The following CSE1L variants were observed in gnomAD, a reference collection of about 807,000 sequenced individuals.
The protein encoded by CSE1L is exportin-2.
CSE1L carries 24 observed loss-of-function variants against 120.4 expected under a neutral mutation model. That is an observed-to-expected ratio of 0.20 (90% CI 0.14 to 0.28). CSE1L has a LOEUF of 0.28. CSE1L is among the 10% of genes least tolerant of loss of function. The pLI is 1.00. For synonymous variants in CSE1L, 402 were observed against 398.3 expected (o/e 1.01, Z -0.11); for missense variants, 830 against 1,145.2 (o/e 0.72, Z 3.97).
chr20:49,091,171 G>A (rs796927264), intron 21 of CSE1L, 149 bp downstream of exon 21: 8 of 636,832 alleles, frequency 1.3e-5, no homozygotes, highest in African/African-American at 7.4e-5. Context: ...GCCTGTAATC[G>A]CAGCACTTTG....
At chr20:49,048,627 T>G (rs192416970) in intron 1 of CSE1L, among the ~76,000 whole-genome samples, 1 of 152,290 alleles carries the variant, frequency 6.6e-6, no homozygotes, top group Admixed American at 6.5e-5. Context: ...AGGAACCGGC[T>G]TGGAATATTG....
chr20:49,085,606 CTG>C (rs2092050290), intron 16 of CSE1L, among the ~76,000 whole-genome samples: 1 of 103,588 alleles, frequency 9.7e-6, no homozygotes, highest in African/African-American at 3.6e-5. Context: ...GAGCCTTGCT[CTG>C]TTGCCCAGGC....
At position 49,063,307 on chromosome 20, in the gene CSE1L, T is replaced by G. The variant is rs772660162; in HGVS notation, c.191T>G (p.Val64Gly). 6.5e-7 allele frequency: 1 copy of G among 1,539,642 alleles called. No homozygotes were observed. ...AATGTTATCAAAGTATGTGCTTCAG[T>G]AACATTCAAAAACTATATTAAAAGG... ...QDNVIKVCAS[V>G]TFKNYIKRNW... is the part of the protein sequence containing the mutation. The change falls in exon 3 of 25, where the codon GTA becomes GGA. Residue 64 changes from valine (V) to glycine (G), a missense_variant. This residue lies in a region of CSE1L where 543 missense variants were observed against 640.2 expected (regional missense o/e 0.85). Coordinates refer to ENST00000262982, the MANE Select transcript of CSE1L (RefSeq NM_001316.4).
chr20:49,069,213 T>C (rs1361156036), intron 7 of CSE1L, among the ~76,000 whole-genome samples: 2 of 152,112 alleles, frequency 1.3e-5, no homozygotes, highest in African/African-American at 4.8e-5. Context: ...TTATACAAAA[T>C]GACTTTTATT....
At chr20:49,063,164 T>A (rs1240014757) in intron 2 of CSE1L, 38 bp from the exon 3 acceptor site, 1 of 1,403,736 alleles carries the variant, frequency 7.1e-7, no homozygotes. Flanking sequence ...GTGGAAAGAT[T>A]TTTATCTTAG....
rs1193878864 is a variant in CSE1L, at chr20:49,068,705, C to G, written c.568-10C>G. On this transcript the variant is annotated splice_polypyrimidine_tract_variant and intron_variant, in intron 6 of 24. Coordinates refer to ENST00000262982, the MANE Select transcript of CSE1L (RefSeq NM_001316.4). ...TGCACTAAAACCATGTTGCTAAATT[C>G]CTTTCCAAGGCCACTATTGAACTCT... 2 of 1,597,012 alleles carry G rather than the reference C, an allele frequency of 1.3e-6. No homozygotes were observed. Among genetic ancestry groups the G allele is most frequent in the Admixed American group, 3.4e-5 (2 of 59,592 alleles).
intron 14 of CSE1L, among the ~76,000 whole-genome samples, chr20:49,079,162 G>T (rs961736422): frequency 6.6e-6 from 1 of 151,614 alleles, no homozygotes; most frequent in African/African-American, 2.4e-5. Flanking sequence ...CAAAGTGCTG[G>T]GACTACAGGT....
chr20:49,079,118 C>T (rs2426119), intron 14 of CSE1L, among the ~76,000 whole-genome samples: 10 of 152,188 alleles, frequency 6.6e-5, no homozygotes, highest in African/African-American at 2.4e-4. Flanking sequence ...GTCTCAAACT[C>T]CTGACCTCAG....
chr20:49,075,349 T>A lies in CSE1L; in HGVS notation c.1164T>A (p.Asp388Glu). 1 of 1,614,090 alleles carries A rather than the reference T, an allele frequency of 6.2e-7. No homozygotes were observed. The highest frequency in any genetic ancestry group is 8.5e-7 in the Non-Finnish European group (1 of 1,179,986). ...ATACTAGACGCAGGGCTGCTTGTGA[T>A]CTGGTACGAGGATTATGCAAGTTTT... Reference protein sequence around the residue: ...DIDTRRRAACDLVRGLCKFFE... With the variant: ...DIDTRRRAACELVRGLCKFFE... The change falls in exon 12 of 25, where the codon GAT becomes GAA. Residue 388 changes from aspartate to glutamate, a missense_variant. This residue lies in a region of CSE1L where 543 missense variants were observed against 640.2 expected (regional missense o/e 0.85). Transcript: ENST00000262982.
chr20:49,093,109 T>C (rs2092114080), intron 22 of CSE1L, among the ~76,000 whole-genome samples: 1 of 152,228 alleles, frequency 6.6e-6, no homozygotes, highest in Non-Finnish European at 1.5e-5. Context: ...ACCTCAGTTA[T>C]GTCTCAAAAA....
rs1185682371 is a variant in CSE1L at position 49,076,956 on chromosome 20, C to G, written c.1336-24C>G. 4 of 1,487,958 alleles carry G rather than the reference C, an allele frequency of 2.7e-6. No homozygotes were observed. The East Asian group carries it at 9.1e-5, about 34-fold the overall frequency. 92.2% of individuals were successfully genotyped at this position (1,487,958 alleles called of 1,614,324 possible). A position where few individuals can be genotyped will look rare whatever the true frequency, so the allele number is the denominator to read the frequency against. On this transcript the variant is annotated intron_variant, in intron 12 of 24. Transcript: ENST00000262982. ...TATATACAGGTATTTTGTTATTTTA[C>G]TATGTTATGAATTTGCTTTTCAGCA... is the stretch of plus-strand genomic sequence containing the variant.
chr20:49,072,114 C>T (rs1054023738), intron 8 of CSE1L, among the ~76,000 whole-genome samples, 172 bp from the exon 9 acceptor site: 6 of 152,164 alleles, frequency 3.9e-5, no homozygotes, highest in Non-Finnish European at 7.3e-5. Context: ...AATTCAGCAA[C>T]TTATTTGAAA....
intron 1 of CSE1L, among the ~76,000 whole-genome samples, chr20:49,047,963 T>A (rs1220080384): frequency 1.3e-5 from 2 of 152,158 alleles, no homozygotes; most frequent in Non-Finnish European, 2.9e-5. Context: ...TCTGTCTTGC[T>A]TACTTCTCTC....
intron 1 of CSE1L, among the ~76,000 whole-genome samples, chr20:49,047,559 C>CTTTTTTTTTTTTTTTT (rs1568757225): frequency 1.6e-5 from 1 of 61,088 alleles, no homozygotes; most frequent in African/African-American, 6.7e-5. Context: ...TTTCTTTTCT[C>CTTTTTTTTTTTTTTTT]TTTTCTTTTT....
chr20:49,056,732 CT>C (rs1042971158), intron 1 of CSE1L, among the ~76,000 whole-genome samples: 2 of 151,752 alleles, frequency 1.3e-5, no homozygotes, highest in East Asian at 1.9e-4. Context: ...GTTCAGACTC[CT>C]TTTTTTCCCA....
At chr20:49,096,274 C>G (rs1600556555) in intron 24 of CSE1L, 75 bp from the exon 25 acceptor site, 2 of 1,174,924 alleles carry the variant, frequency 1.7e-6, no homozygotes, top group East Asian at 2.3e-5. Flanking sequence ...TGTGGCAGCT[C>G]TCCCGTAGAA....
intron 13 of CSE1L, 24 bp from the exon 14 acceptor site, chr20:49,078,535 CTG>C (rs766542615): frequency 6.6e-7 from 1 of 1,506,322 alleles, no homozygotes; most frequent in Non-Finnish European, 9.1e-7. Context: ...ACTTAAGTAA[CTG>C]TGGCTTTCTG....
At chr20:49,093,249 A>G (rs2092114836) in intron 22 of CSE1L, among the ~76,000 whole-genome samples, 1 of 152,200 alleles carries the variant, frequency 6.6e-6, no homozygotes. Context: ...CTTTCTAGAG[A>G]GCAAAATGTA....
Position 49,096,412 on chromosome 20 carries a change from C to A in CSE1L, c.2890C>A (p.Gln964Lys). The stretch of plus-strand genomic sequence containing the variant: ...GCTCCAGTATCTCCAAGGGTACCTT[C>A]AGGCAGCCAGTGTGACACTGCTTTA... ...EALQYLQGYL[Q>K]AASVTLL The change falls in exon 25 of 25, where the codon CAG becomes AAG. Residue 964 changes from glutamine to lysine, a missense_variant. Physicochemically the swap from Gln to Lys is moderately conservative, Grantham distance 53. This residue lies in a region of CSE1L where 112 missense variants were observed against 200.0 expected (regional missense o/e 0.56). Transcript: ENST00000262982. 1 of 1,614,138 alleles carries A rather than the reference C, an allele frequency of 6.2e-7. No homozygotes were observed. Among genetic ancestry groups the A allele is most frequent in the South Asian group, 1.1e-5 (1 of 91,080 alleles).
Sources: gnomAD v4.1 joint callset for allele counts (sites outside exome capture counted in the v4.1 genomes callset) on GRCh38, gnomAD v4.1.1 for gene constraint, gnomAD v4.1.1 regional missense constraint, MANE v1.5 for transcripts, NCBI Gene and HGNC (gene_info 2026-07-23, HGNC 2026-07-21) for gene names.